Variants in NCKAP5 observed in about 807,000 individuals in gnomAD.
The protein encoded by NCKAP5 is NCK associated protein 5.
Under a neutral mutation model 167.0 loss-of-function variants are expected in NCKAP5, and 92 were observed. The ratio of observed to expected loss-of-function variants is 0.55; its 90% confidence interval spans 0.47 to 0.66. The LOEUF is 0.66. NCKAP5 is among the 30% of genes least tolerant of loss of function. The pLI is 0.00. For missense variants in NCKAP5, 2,378 were observed against 2,315.0 expected (o/e 1.03, Z -0.56); for synonymous variants, 891 against 877.4 (o/e 1.02, Z -0.27).
chr2:133,064,813 A>G (rs1049777171), intron 6 of NCKAP5, among the ~76,000 whole-genome samples: 3 of 152,218 alleles, frequency 2.0e-5, no homozygotes, highest in Non-Finnish European at 2.9e-5. Context: ...CTCTCTGAGC[A>G]TAGCCCCTTA....
At chr2:133,342,140 CATG>C (rs1559399436) in intron 3 of NCKAP5, among the ~76,000 whole-genome samples, 1 of 152,072 alleles carries the variant, frequency 6.6e-6, no homozygotes, top group Non-Finnish European at 1.5e-5. Context: ...GGGGTTTCAC[CATG>C]TTAGCCAGGA....
At chr2:132,964,459 A>G (rs541562092) in intron 7 of NCKAP5, among the ~76,000 whole-genome samples, 2 of 152,214 alleles carry the variant, frequency 1.3e-5, no homozygotes, top group Non-Finnish European at 2.9e-5. Flanking sequence ...GGCAGACATA[A>G]AAAGTTATTT....
intron 3 of NCKAP5, among the ~76,000 whole-genome samples, chr2:133,385,285 T>C (rs963696389): frequency 6.6e-6 from 1 of 152,226 alleles, no homozygotes; most frequent in African/African-American, 2.4e-5. Flanking sequence ...AAAGGCCTTT[T>C]CTGCATCTAC....
Position 133,143,978 on chromosome 2 carries a change from A to C in NCKAP5, c.208-13867T>G, listed in dbSNP as rs546782554. ...CTAGTAAACTTTCATCGCAACCAGC[A>C]AACCAACTGATGCATTTAAGCCTCT... is the stretch of plus-strand genomic sequence containing the variant. On this transcript the variant is annotated intron_variant, in intron 5 of 19. Transcript: ENST00000409261. Among the ~76,000 whole-genome samples, 3 of 152,266 alleles carry C rather than the reference A, an allele frequency of 2.0e-5. No homozygotes were observed. In the South Asian group the frequency reaches 6.2e-4, roughly 32 times the overall value.
chr2:133,661,517 G>A, the NCKAP5 span, among the ~76,000 whole-genome samples: 1 of 152,144 alleles, frequency 6.6e-6, no homozygotes, highest in Admixed American at 6.5e-5. Flanking sequence ...AACAGTTGCT[G>A]GTGCTAAGCA....
chr2:132,800,533 T>C (rs1272240822), intron 11 of NCKAP5, among the ~76,000 whole-genome samples: 2 of 152,178 alleles, frequency 1.3e-5, no homozygotes, highest in Non-Finnish European at 2.9e-5. Context: ...ATCTTTTTAC[T>C]CATATGCTTC....
rs79409153 is a variant in NCKAP5, at chr2:133,407,495, G to C, written c.70-104385C>G. Among the ~76,000 whole-genome samples the C allele has an allele frequency of 9.6e-3, 1,455 of 152,274 alleles. 25 individuals carry two copies. The highest frequency in any genetic ancestry group is 0.033 in the African/African-American group (1,379 of 41,552). On this transcript the variant is annotated intron_variant, in intron 3 of 19. Coordinates refer to ENST00000409261, the MANE Select transcript of NCKAP5 (RefSeq NM_207363.3). ...ACAGGAGGACGGGTGGGTTGGTTGCGGGAGGCAAGGCAAGGAATCCATTTT... is the reference window on the plus strand; with the variant it reads ...ACAGGAGGACGGGTGGGTTGGTTGCCGGAGGCAAGGCAAGGAATCCATTTT...
At chr2:133,351,003 T>C (rs1684323404) in intron 3 of NCKAP5, among the ~76,000 whole-genome samples, 1 of 152,166 alleles carries the variant, frequency 6.6e-6, no homozygotes, top group African/African-American at 2.4e-5. Flanking sequence ...GAGCCACATC[T>C]TTGAATTGCT....
chr2:133,478,274 A>G (rs1300413619), intron 3 of NCKAP5, among the ~76,000 whole-genome samples: 1 of 152,132 alleles, frequency 6.6e-6, no homozygotes, highest in African/African-American at 2.4e-5. Context: ...TATTACTGAT[A>G]TTTCTAATAC....
chr2:133,625,546 G>A, the NCKAP5 span, among the ~76,000 whole-genome samples: 273 of 152,194 alleles, frequency 1.8e-3, 1 homozygote, highest in African/African-American at 6.2e-3. Context: ...CACCCCACCA[G>A]GACTCAACAT....
In NCKAP5 at chr2:133,411,161, T is replaced by C. The variant is rs143321874; in HGVS notation, c.69+106297A>G. On this transcript the variant is annotated intron_variant, in intron 3 of 19. Transcript: ENST00000409261. ...ATGATCCATCTTGCATCTTCTTATT[T>C]TCCAATGGGAACGCTGAATTCCAAA... Among the ~76,000 whole-genome samples the C allele has an allele frequency of 7.2e-5, 11 of 152,312 alleles. No individual in the cohort carries two copies. The East Asian group carries it at 1.9e-3, about 27-fold the overall frequency.
intron 5 of NCKAP5, among the ~76,000 whole-genome samples, chr2:133,180,723 G>C (rs907569429): frequency 2.0e-5 from 3 of 152,032 alleles, no homozygotes; most frequent in South Asian, 2.1e-4. Flanking sequence ...ACAAATATAA[G>C]ACCTGAAACC....
intron 16 of NCKAP5, among the ~76,000 whole-genome samples, chr2:132,751,109 A>C (rs943230775): frequency 1.3e-5 from 2 of 152,014 alleles, no homozygotes; most frequent in Non-Finnish European, 2.9e-5. Context: ...ATCCCCAGTG[A>C]AATCTGTCTT....
chr2:133,209,320 T>C (rs2086103388), intron 5 of NCKAP5, among the ~76,000 whole-genome samples: 1 of 150,206 alleles, frequency 6.7e-6, no homozygotes, highest in African/African-American at 2.5e-5. Context: ...TGAAAAACGG[T>C]GGTGGCATTT....
At chr2:133,624,657 T>G in the NCKAP5 span, among the ~76,000 whole-genome samples, 3 of 152,226 alleles carry the variant, frequency 2.0e-5, no homozygotes, top group Non-Finnish European at 2.9e-5. Context: ...ATGGTGTATA[T>G]AAAATCATTC....
In NCKAP5 at chr2:133,381,538, G is replaced by C. The variant is rs1241179142; in HGVS notation, c.70-78428C>G. 3.9e-5 allele frequency: 6 copies of C among 152,318 alleles called. No individual in the cohort carries two copies. In the South Asian group the frequency reaches 1.2e-3, roughly 32 times the overall value. 9.4% of individuals were successfully genotyped at this position (152,318 alleles called of 1,614,324 possible). A position where few individuals can be genotyped will look rare whatever the true frequency, so the allele number is the denominator to read the frequency against. ...TCCTCAAACTGTTTGTTTAGTGTAG[G>C]CAAAGATTAGAAATTAGAATAAATG... On this transcript the variant is annotated intron_variant, in intron 3 of 19. Transcript: ENST00000409261.
intron 3 of NCKAP5, among the ~76,000 whole-genome samples, chr2:133,314,556 C>T (rs1028485049): frequency 4.6e-5 from 7 of 152,184 alleles, no homozygotes; most frequent in Non-Finnish European, 8.8e-5. Flanking sequence ...CCCCGATTAC[C>T]ACCCACTGTC....
chr2:133,074,383 A>G (rs957889722), intron 6 of NCKAP5, among the ~76,000 whole-genome samples: 13 of 151,752 alleles, frequency 8.6e-5, no homozygotes, highest in African/African-American at 3.1e-4. Context: ...TTTTTGAGAC[A>G]GGGTCTCACT....
chr2:133,552,080 A>G, intron 2 of NCKAP5, among the ~76,000 whole-genome samples: 1 of 110,550 alleles, frequency 9.0e-6, no homozygotes, highest in Admixed American at 8.8e-5. Flanking sequence ...GCGATCATTA[A>G]AAAGTCAGGA....
Sources: gnomAD v4.1 joint callset for allele counts (sites outside exome capture counted in the v4.1 genomes callset) on GRCh38, gnomAD v4.1.1 for gene constraint, MANE v1.5 for transcripts, NCBI Gene and HGNC (gene_info 2026-07-23, HGNC 2026-07-21) for gene names.